TRRAP: variants seen among roughly 807,000 people sequenced by gnomAD.
The protein encoded by TRRAP is transformation/transcription domain associated protein.
Under a neutral mutation model 438.8 loss-of-function variants are expected in TRRAP, and 41 were observed. The ratio of observed to expected loss-of-function variants is 0.09; its 90% CI spans 0.07 to 0.12. The LOEUF is 0.12. Among genes scored for constraint, TRRAP ranks in the 10% least tolerant of loss-of-function variants. The pLI, the probability that TRRAP is intolerant of heterozygous loss-of-function variation, is 1.00. For missense variants in TRRAP, 3,122 were observed against 5,055.1 expected (o/e 0.62, Z 11.60); for synonymous variants, 1,994 against 1,962.9 (o/e 1.02, Z -0.42).
At chr7:99,010,871 A>G (rs1206880842) in intron 70 of TRRAP, among the ~76,000 whole-genome samples, 181 bp from the exon 71 acceptor site, 1 of 152,196 alleles carries the variant, frequency 6.6e-6, no homozygotes, top group Non-Finnish European at 1.5e-5. Context: ...CCTGGAGGGA[A>G]ACAGCCATCT....
intron 52 of TRRAP, among the ~76,000 whole-genome samples, chr7:98,970,561 C>G (rs1320442130): frequency 6.6e-6 from 1 of 152,012 alleles, no homozygotes; most frequent in Non-Finnish European, 1.5e-5. Context: ...ACCTGTCTAC[C>G]TGAAAGCTCT....
intron 47 of TRRAP, among the ~76,000 whole-genome samples, chr7:98,964,259 T>C (rs938951298): frequency 6.6e-6 from 1 of 152,218 alleles, no homozygotes; most frequent in African/African-American, 2.4e-5. Context: ...ATATTTGGCA[T>C]GTCCTTTAGA....
chr7:98,984,262 A>G lies in TRRAP; in HGVS notation c.9192A>G (p.Pro3064=), dbSNP rs763579905. 1.9e-6 allele frequency: 3 copies of G among 1,613,142 alleles called. No individual in the cohort carries two copies. The South Asian group carries it at 3.3e-5, about 18-fold the overall frequency. ...TATTAAGTCGGATTCATACTATTCC[A>G]ACTGTTCCTATCGTGGATTGCTTCC... The part of the protein sequence containing the change: ...LDILSRIHTI[P]TVPIVDCFQK... The change falls in exon 61 of 73, where the codon CCA becomes CCG. Residue 3064 remains proline, a synonymous_variant. Transcript: ENST00000456197.
At chr7:98,942,810 A>T in intron 30 of TRRAP, 139 bp from the exon 31 acceptor site, 1 of 863,168 alleles carries the variant, frequency 1.2e-6, no homozygotes, top group South Asian at 1.7e-5. Context: ...ATCACTAGTT[A>T]GATGGTTGCG....
At chr7:98,901,656 C>T (rs1372276624) in intron 11 of TRRAP, among the ~76,000 whole-genome samples, 2 of 152,196 alleles carry the variant, frequency 1.3e-5, no homozygotes, top group Non-Finnish European at 2.9e-5. Flanking sequence ...TCAAGCTATT[C>T]TTGTGCCTCA....
intron 20 of TRRAP, among the ~76,000 whole-genome samples, chr7:98,921,038 T>C (rs1371259265): frequency 6.6e-6 from 1 of 152,104 alleles, no homozygotes. Context: ...GGTTACTCCA[T>C]GTTGGTCAGG....
chr7:98,929,333 C>T (rs1354592122), intron 23 of TRRAP, among the ~76,000 whole-genome samples: 1 of 152,216 alleles, frequency 6.6e-6, no homozygotes, highest in African/African-American at 2.4e-5. Context: ...AGTGATTCCC[C>T]TGCCTTGGCT....
In TRRAP at chr7:98,978,234, A is replaced by G. The variant is rs371618736; in HGVS notation, c.8409A>G (p.Ala2803=). The change falls in exon 57 of 73, where the codon GCA becomes GCG. Residue 2803 remains alanine, a synonymous_variant. Coordinates refer to ENST00000456197, the MANE Select transcript of TRRAP (RefSeq NM_001375524.1). ...FEQAQESYEK[A]MDKAKKEHER... ...AGGCACAAGAATCCTATGAAAAGGC[A>G]ATGGATAAAGCCAAAAAAGAACATG... The G allele has an allele frequency of 1.9e-6, 3 of 1,614,148 alleles. No individual in the cohort carries two copies. Among genetic ancestry groups the G allele is most frequent in the Middle Eastern group, 1.6e-4 (1 of 6,062 alleles).
chr7:98,890,602 C>T (rs1330285893), intron 4 of TRRAP, among the ~76,000 whole-genome samples, 157 bp downstream of exon 4: 2 of 152,070 alleles, frequency 1.3e-5, no homozygotes, highest in African/African-American at 2.4e-5. Context: ...AGTTACATGT[C>T]TTGGTTTGAT....
At chr7:98,940,745 C>T (rs367623432) in intron 30 of TRRAP, among the ~76,000 whole-genome samples, 7 of 152,176 alleles carry the variant, frequency 4.6e-5, no homozygotes, top group Admixed American at 1.3e-4. Context: ...TTAACGTTGA[C>T]GGTGCCTTTG....
In TRRAP at chr7:98,896,910, G is replaced by C. The variant is rs143596733; in HGVS notation, c.508-831G>C. 1.5e-3 allele frequency among the ~76,000 whole-genome samples: 234 copies of C among 151,202 alleles called. 2 individuals carry two copies. The highest frequency in any genetic ancestry group is 5.4e-3 in the African/African-American group (221 of 40,624). On this transcript the variant is annotated intron_variant, in intron 7 of 72. Transcript: ENST00000456197. ...AAACCCCAAATCCACTGAGAGCGAA[G>C]GTTGGCAGTGAGGTCCTGGCTTTTA...
intron 44 of TRRAP, 86 bp downstream of exon 44, chr7:98,958,177 C>T (rs996448782): frequency 1.0e-5 from 12 of 1,183,982 alleles, no homozygotes; most frequent in Non-Finnish European, 7.1e-6. Flanking sequence ...GTGGCAATTT[C>T]ATCAAAAAAG....
chr7:98,974,214 T>C (rs1792546194), intron 53 of TRRAP, among the ~76,000 whole-genome samples: 1 of 152,176 alleles, frequency 6.6e-6, no homozygotes, highest in Non-Finnish European at 1.5e-5. Flanking sequence ...TTTCATCTTC[T>C]GTGTATTTAT....
At chr7:98,940,310 T>G (rs1790742603) in intron 30 of TRRAP, among the ~76,000 whole-genome samples, 1 of 152,100 alleles carries the variant, frequency 6.6e-6, no homozygotes, top group African/African-American at 2.4e-5. Context: ...TGCCTCAGCC[T>G]CCCAAGTAGC....
chr7:98,890,626 G>A (rs1446141626), intron 4 of TRRAP, among the ~76,000 whole-genome samples, 181 bp downstream of exon 4: 2 of 151,964 alleles, frequency 1.3e-5, no homozygotes, highest in Admixed American at 6.6e-5. Context: ...TGTCTAGGAC[G>A]TCCCTTTTAC....
At chr7:98,922,528 C>T (rs1469772583) in intron 21 of TRRAP, among the ~76,000 whole-genome samples, 1 of 151,436 alleles carries the variant, frequency 6.6e-6, no homozygotes, top group Non-Finnish European at 1.5e-5. Flanking sequence ...CTTTTCTGCT[C>T]CCTGTCCTAG....
chr7:98,917,214 G>A (rs1264876216), intron 19 of TRRAP, among the ~76,000 whole-genome samples: 2 of 152,122 alleles, frequency 1.3e-5, no homozygotes, highest in Non-Finnish European at 2.9e-5. Context: ...ATTTATAACA[G>A]TTACATACGG....
intron 28 of TRRAP, among the ~76,000 whole-genome samples, chr7:98,936,666 C>A (rs1268966291): frequency 6.6e-6 from 1 of 152,152 alleles, no homozygotes; most frequent in African/African-American, 2.4e-5. Flanking sequence ...TTCAGATGGG[C>A]CTGTCCTGGA....
intron 1 of TRRAP, among the ~76,000 whole-genome samples, chr7:98,879,406 C>T (rs1255591372): frequency 6.6e-6 from 1 of 151,944 alleles, no homozygotes; most frequent in African/African-American, 2.4e-5. Context: ...GTCTTGGGTC[C>T]CCTGGGATGG....
Sources: allele counts gnomAD v4.1 joint callset (sites outside exome capture counted in the v4.1 genomes callset), GRCh38; gene constraint gnomAD v4.1.1; transcripts MANE v1.5; gene names NCBI Gene and HGNC (gene_info 2026-07-23, HGNC 2026-07-21).